Variants in SH2B3 observed in about 807,000 individuals in gnomAD.
SH2B3 encodes the protein SH2B adapter protein 3.
Under a neutral mutation model 51.9 loss-of-function variants are expected in SH2B3, and 43 were observed. The observed-to-expected ratio is 0.83, with a 90% CI of 0.65 to 1.07. The LOEUF is 1.07. Among genes scored for constraint, SH2B3 ranks in the 50% least tolerant of loss-of-function variants. SH2B3 has a pLI of 0.00. For missense variants in SH2B3, 952 were observed against 834.3 expected, an observed-to-expected ratio of 1.14 and a Z score of -1.74; for synonymous variants, 396 against 376.0, an observed-to-expected ratio of 1.05 and a Z score of -0.62.
At chr12:111,437,692 G>C (rs954357977) in intron 2 of SH2B3, among the ~76,000 whole-genome samples, 3 of 152,214 alleles carry the variant, frequency 2.0e-5, no homozygotes, top group East Asian at 1.9e-4. Context: ...CCTGTGGCCT[G>C]TAGTTCCCAC....
chr12:111,435,620 A>C lies in SH2B3; in HGVS notation c.733-11133A>C, dbSNP rs1872800022. Among the ~76,000 whole-genome samples the C allele has an allele frequency of 6.6e-6, 1 of 151,874 alleles. No homozygotes were observed. Among genetic ancestry groups the C allele is most frequent in the African/African-American group, 2.4e-5 (1 of 41,316 alleles). ...GTGATCCGCCCATCTTGACCTCCCA[A>C]AGTGCTCGTTACAGGCGTGAACAAC... On this transcript the variant is annotated intron_variant, in intron 2 of 7. Coordinates refer to ENST00000341259, the MANE Select transcript of SH2B3 (RefSeq NM_005475.3). This position sits in a 1 kb window ranked among gnomAD's most constrained non-coding sequence, Gnocchi z 4.8.
chr12:111,430,629 G>A, intron 2 of SH2B3, among the ~76,000 whole-genome samples: 1 of 152,190 alleles, frequency 6.6e-6, no homozygotes, highest in South Asian at 2.1e-4. Flanking sequence ...CTGGAGAAGG[G>A]CAGATGGACA....
Position 111,423,088 on chromosome 12 carries a change from T to C in SH2B3, c.732+4211T>C, listed in dbSNP as rs549050753. Among the ~76,000 whole-genome samples, 9 of 152,244 alleles carry C rather than the reference T, an allele frequency of 5.9e-5. No individual in the cohort carries two copies. The East Asian group carries it at 1.7e-3, about 29-fold the overall frequency. The stretch of plus-strand genomic sequence containing the variant: ...AGAGACCCTGAGTGGGGAATGTGTT[T>C]AGCATGTTTTGAAGAAAGGACAAGA... On this transcript the variant is annotated intron_variant, in intron 2 of 7. Coordinates refer to ENST00000341259, the MANE Select transcript of SH2B3 (RefSeq NM_005475.3).
At chr12:111,405,058 T>A (rs922246283), upstream of SH2B3, among the ~76,000 whole-genome samples, 2 of 152,032 alleles carry the variant, frequency 1.3e-5, no homozygotes, top group African/African-American at 4.8e-5. The surrounding 1 kb of genome is among the most constrained non-coding windows in gnomAD (Gnocchi z 5.4). Flanking sequence ...GCTGAGAGCA[T>A]GTCCCACTCC....
intron 2 of SH2B3, among the ~76,000 whole-genome samples, chr12:111,419,804 C>A (rs1408079346): frequency 1.3e-5 from 2 of 152,226 alleles, no homozygotes; most frequent in Admixed American, 1.3e-4. Context: ...CGCCACTGTT[C>A]CTTTGGCTTT....
chr12:111,407,748 G>T lies in SH2B3; in HGVS notation c.-28+1471G>T, dbSNP rs1056119584. On this transcript the variant is annotated intron_variant, in intron 1 of 7. Coordinates refer to ENST00000341259, the MANE Select transcript of SH2B3 (RefSeq NM_005475.3). The surrounding 1 kb of genome is among the most constrained non-coding windows in gnomAD (Gnocchi z 4.3). ...TGTGAGTCCCTGTGGGCCACAGAGC[G>T]GCCAGCTGGGAAGGGGCTGGCTCAG... 6.6e-6 allele frequency among the ~76,000 whole-genome samples: 1 copy of T among 152,172 alleles called. No homozygotes were observed. Among genetic ancestry groups the T allele is most frequent in the Non-Finnish European group, 1.5e-5 (1 of 68,028 alleles).
At chr12:111,430,158 G>A (rs1872348504) in intron 2 of SH2B3, among the ~76,000 whole-genome samples, 1 of 152,230 alleles carries the variant, frequency 6.6e-6, no homozygotes, top group Non-Finnish European at 1.5e-5. Flanking sequence ...TGAAGTGGGT[G>A]CCTGCAGTGG....
intron 1 of SH2B3, among the ~76,000 whole-genome samples, chr12:111,412,131 C>T (rs562112507): frequency 1.3e-5 from 2 of 152,342 alleles, no homozygotes; most frequent in South Asian, 2.1e-4. Context: ...TGCTTCCTGT[C>T]CACAGCTTGT....
At chr12:111,425,347 G>A (rs958021231) in intron 2 of SH2B3, among the ~76,000 whole-genome samples, 1 of 152,164 alleles carries the variant, frequency 6.6e-6, no homozygotes, top group Admixed American at 6.5e-5. Context: ...GCCACTGCAG[G>A]TGGGCAGCGT....
At position 111,429,489 on chromosome 12, in the gene SH2B3, A is replaced by G. The variant is rs61944375; in HGVS notation, c.732+10612A>G. Among the ~76,000 whole-genome samples the G allele has an allele frequency of 6.6e-6, 1 of 151,684 alleles. No homozygotes were observed. The highest frequency in any genetic ancestry group is 1.9e-4 in the East Asian group (1 of 5,172). ...TGGGATTACAGGCGCCCACCACCAC[A>G]CTCCGCTAATTTTTCTGTATTATTA... On this transcript the variant is annotated intron_variant, in intron 2 of 7. Coordinates refer to ENST00000341259, the MANE Select transcript of SH2B3 (RefSeq NM_005475.3). This position sits in a 1 kb window ranked among gnomAD's most constrained non-coding sequence, Gnocchi z 4.4.
In SH2B3 at chr12:111,449,308, G is replaced by A. The variant is rs1304245745; in HGVS notation, c.*1006G>A. 1 of 152,212 alleles carries A rather than the reference G, an allele frequency of 6.6e-6. No individual in the cohort carries two copies. The highest frequency in any genetic ancestry group is 6.5e-5 in the Admixed American group (1 of 15,280). 9.4% of individuals were successfully genotyped at this position (152,212 alleles called of 1,614,324 possible). A position where few individuals can be genotyped will look rare whatever the true frequency, so the allele number is the denominator to read the frequency against. ...TTTCTAGTAAATCCTTCAGCAACAAGGCTGGCTTGGTGCCCTCCAAGCATC... is the reference window on the plus strand; with the variant it reads ...TTTCTAGTAAATCCTTCAGCAACAAAGCTGGCTTGGTGCCCTCCAAGCATC... On this transcript the variant is annotated 3_prime_UTR_variant, in exon 8 of 8. Transcript: ENST00000341259.
intron 2 of SH2B3, among the ~76,000 whole-genome samples, chr12:111,442,555 C>T (rs1231590787): frequency 1.3e-5 from 2 of 152,120 alleles, no homozygotes; most frequent in African/African-American, 2.4e-5. Context: ...CGGGGGTGGG[C>T]GGTCTCTCCC....
chr12:111,418,495 A>G lies in SH2B3; in HGVS notation c.350A>G (p.Lys117Arg). 1 of 1,374,334 alleles carries G rather than the reference A, an allele frequency of 7.3e-7. No individual in the cohort carries two copies. The highest frequency in any genetic ancestry group is 9.4e-7 in the Non-Finnish European group (1 of 1,068,206). 85.1% of individuals were successfully genotyped at this position (1,374,334 alleles called of 1,614,324 possible). Residue 117 changes from lysine to arginine, a missense_variant, in exon 2 of 8, where the codon AAG (lysine) becomes AGG (arginine). Physicochemically the swap from Lys to Arg is conservative, Grantham distance 26. Transcript: ENST00000341259. This position sits in a 1 kb window ranked among gnomAD's most constrained non-coding sequence, Gnocchi z 6.7. ...GGCCCCGCCGCCCCTGGCCTGCCCA[A>G]GGCCCGCAGCTCTGAGGAGCTGGCC... Reference protein sequence around the residue: ...GPGPAAPGLPKARSSEELAPP... With the variant: ...GPGPAAPGLPRARSSEELAPP...
At chr12:111,412,266 GCCTGGCTGC>G (rs2135536561) in intron 1 of SH2B3, among the ~76,000 whole-genome samples, 1 of 152,308 alleles carries the variant, frequency 6.6e-6, no homozygotes, top group Admixed American at 6.5e-5. Context: ...CCTTCCTGTG[GCCTGGCTGC>G]CCTCCTGGCC....
Position 111,426,385 on chromosome 12 carries a change from C to CTT in SH2B3, c.732+7524_732+7525dup, listed in dbSNP as rs796965805. ...AATTCTGGTTCCGTTTTTCTTTTAT[C>CTT]TTTTTTTTTTTTTTTTTGTTAAGAG... On this transcript the variant is annotated intron_variant, in intron 2 of 7. Transcript: ENST00000341259. Among the ~76,000 whole-genome samples, 279 of 136,046 alleles carry CTT rather than the reference C, an allele frequency of 2.1e-3. 2 individuals are homozygous for CTT. Among genetic ancestry groups the CTT allele is most frequent in the African/African-American group, 7.1e-3 (256 of 36,156 alleles). 89.3% of individuals were successfully genotyped at this position (136,046 alleles called of 152,430 possible).
At chr12:111,431,296 G>A (rs1872473617) in intron 2 of SH2B3, among the ~76,000 whole-genome samples, 1 of 152,118 alleles carries the variant, frequency 6.6e-6, no homozygotes, top group Non-Finnish European at 1.5e-5. Flanking sequence ...ACACACAGGG[G>A]CACCACTGTA....
rs1593061684 is a variant in SH2B3, at chr12:111,435,712, G to T, written c.733-11041G>T. 6.6e-6 allele frequency among the ~76,000 whole-genome samples: 1 copy of T among 152,308 alleles called. No homozygotes were observed. Among genetic ancestry groups the T allele is most frequent in the South Asian group, 2.1e-4 (1 of 4,826 alleles). On this transcript the variant is annotated intron_variant, in intron 2 of 7. Transcript: ENST00000341259. This position sits in a 1 kb window ranked among gnomAD's most constrained non-coding sequence, Gnocchi z 4.8. ...AAGGGAGCTGCTTGCTCTCCCTTCT[G>T]TCTGGAGGCCAGCACAGCCTGGCAC...
At position 111,418,031 on chromosome 12, in the gene SH2B3, C is replaced by A; in HGVS notation, c.-27-88C>A. ...TGGGTGTTATGGTCGCGTTGGATTT[C>A]TGCTGTGGTGCCCGGTGTGTAATGG... On this transcript the variant is annotated intron_variant, in intron 1 of 7. Transcript: ENST00000341259. The surrounding 1 kb of genome is among the most constrained non-coding windows in gnomAD (Gnocchi z 6.7). 2 of 999,798 alleles carry A rather than the reference C, an allele frequency of 2.0e-6. No homozygotes were observed. The highest frequency in any genetic ancestry group is 2.8e-6 in the Non-Finnish European group (2 of 707,574). 61.9% of individuals were successfully genotyped at this position (999,798 alleles called of 1,614,324 possible).
intron 2 of SH2B3, among the ~76,000 whole-genome samples, chr12:111,445,193 G>A (rs901700964): frequency 3.9e-5 from 6 of 152,250 alleles, no homozygotes; most frequent in Middle Eastern, 3.4e-3. Flanking sequence ...GACTAGGCCC[G>A]TTCCCCTCCA....
Sources: allele counts gnomAD v4.1 joint callset (sites outside exome capture counted in the v4.1 genomes callset), GRCh38; gene constraint gnomAD v4.1.1; non-coding constraint Gnocchi (gnomAD v3.1); transcripts MANE v1.5; gene names NCBI Gene and HGNC (gene_info 2026-07-23, HGNC 2026-07-21).